Variants in MYCBP2 observed in about 807,000 individuals in gnomAD.
MYCBP2 encodes E3 ubiquitin-protein ligase MYCBP2.
Under a neutral mutation model 525.3 loss-of-function variants are expected in MYCBP2, and 120 were observed. That is an observed-to-expected ratio of 0.23 (90% CI 0.20 to 0.27). The LOEUF (loss-of-function observed/expected upper bound fraction) is 0.27. Ranked by LOEUF, MYCBP2 falls within the 10% of genes least tolerant of loss-of-function variation. The pLI, the probability that MYCBP2 is intolerant of heterozygous loss-of-function variation, is 1.00. For synonymous variants in MYCBP2, 1,894 were observed against 1,955.8 expected, an observed-to-expected ratio of 0.97 and a Z score of 0.83; for missense variants, 4,149 against 5,657.1, an observed-to-expected ratio of 0.73 and a Z score of 8.55.
rs2058299320 is a variant in MYCBP2, at chr13:77,164,393, A to AT, written c.6547+60dup. On this transcript the variant is annotated intron_variant, in intron 43 of 82. Transcript: ENST00000544440. ...TTGCAAATCTATTTTTGGCCCTTTT[A>AT]TAATACATACAAAACAAAACAAAAC... The AT allele has an allele frequency of 2.7e-6, 3 of 1,123,640 alleles. No individual in the cohort carries two copies. In the East Asian group the frequency reaches 7.2e-5, roughly 27 times the overall value. The allele number at this position is 1,123,640 out of a possible 1,614,324, so 69.6% of individuals were successfully genotyped here.
In MYCBP2 at chr13:77,294,131, C is replaced by CACATATATATATATATATATATATACAT. The variant is rs1555465826; in HGVS notation, c.378+2467_378+2468insATGTATATATATATATATATATATATGT. 5.2e-4 allele frequency among the ~76,000 whole-genome samples: 34 copies of CACATATATATATATATATATATATACAT among 65,708 alleles called. 1 individual carries two copies. Among genetic ancestry groups the CACATATATATATATATATATATATACAT allele is most frequent in the Non-Finnish European group, 8.4e-4 (28 of 33,400 alleles). The allele number at this position is 65,708 out of a possible 152,430, so 43.1% of individuals were successfully genotyped here. ...ATATATATATATATATATATATATA[C>CACATATATATATATATATATATATACAT]ATATATATATACATATATATAAAAT... is the stretch of plus-strand genomic sequence containing the variant. On this transcript the variant is annotated intron_variant, in intron 2 of 82. Transcript: ENST00000544440.
chr13:77,291,548 A>G (rs753728443), intron 2 of MYCBP2, among the ~76,000 whole-genome samples: 1 of 152,220 alleles, frequency 6.6e-6, no homozygotes, highest in Non-Finnish European at 1.5e-5. Flanking sequence ...AGGCGGGCAG[A>G]TCACCTGAGG....
At chr13:77,282,428 G>C (rs540701816) in intron 3 of MYCBP2, among the ~76,000 whole-genome samples, 17 of 145,778 alleles carry the variant, frequency 1.2e-4, no homozygotes, top group Non-Finnish European at 2.4e-4. Flanking sequence ...AAAAAAAAAA[G>C]AAAGAAAGTA....
intron 36 of MYCBP2, among the ~76,000 whole-genome samples, chr13:77,174,902 T>TATATATATATATATTTTAA (rs1305575400): frequency 9.0e-6 from 1 of 111,602 alleles, no homozygotes; most frequent in African/African-American, 4.1e-5. Context: ...AGCCATACTA[T>TATATATATATATATTTTAA]ATATATATAA....
intron 20 of MYCBP2, among the ~76,000 whole-genome samples, chr13:77,222,518 G>T: frequency 6.6e-6 from 1 of 152,086 alleles, no homozygotes; most frequent in East Asian, 1.9e-4. Flanking sequence ...AGTGCCCACA[G>T]ATCTGACCCT....
rs778733439 is a variant in MYCBP2 at position 77,180,328 on chromosome 13, A to G, written c.4942-10T>C. ...AGATATTCTCTTCACTCTGCGATAC[A>G]TAAGAAAAAGTTCTAAGGTATTGTT... On this transcript the variant is annotated splice_polypyrimidine_tract_variant and intron_variant, in intron 33 of 82. Transcript: ENST00000544440. 256 of 1,612,020 alleles carry G rather than the reference A, an allele frequency of 1.6e-4. No individual in the cohort carries two copies. Among genetic ancestry groups the G allele is most frequent in the Non-Finnish European group, 2.1e-4 (247 of 1,178,780 alleles).
intron 69 of MYCBP2, among the ~76,000 whole-genome samples, 187 bp downstream of exon 69, chr13:77,070,444 A>G (rs956066211): frequency 1.3e-5 from 2 of 151,892 alleles, no homozygotes; most frequent in Admixed American, 6.6e-5. Flanking sequence ...TTCATCAGCT[A>G]TTGTTAGCCT....
chr13:77,117,280 CATG>C (rs2049942715), intron 55 of MYCBP2, among the ~76,000 whole-genome samples: 2 of 151,966 alleles, frequency 1.3e-5, no homozygotes, highest in South Asian at 2.1e-4. Flanking sequence ...CATGAACGAA[CATG>C]ATAAGCTAGA....
intron 46 of MYCBP2, among the ~76,000 whole-genome samples, chr13:77,153,740 C>T (rs1031319858): frequency 1.3e-5 from 1 of 78,944 alleles, no homozygotes; most frequent in Non-Finnish European, 2.4e-5. Flanking sequence ...AATAAGATTT[C>T]CTTAAAATAA....
chr13:77,067,586 AT>A lies in MYCBP2; in HGVS notation c.12449del (p.Asn4150IlefsTer14), dbSNP rs1478044350. Reference protein sequence around the residue: ...VTTVTLPMIFNSSYLRRGESH... With the variant: ...VTTVTLPMIFXSSYLRRGESH... Reference sequence around the variant, plus strand: ...AAATAGAGGCAATAACTAACCTGGAATTGAAAATCATCGGAAGAGTAACTGT... The same window carrying A: ...AAATAGAGGCAATAACTAACCTGGAATGAAAATCATCGGAAGAGTAACTGT... On this transcript the variant is annotated frameshift_variant, in exon 71 of 83. Transcript: ENST00000544440. LOFTEE classifies it high-confidence loss of function. The A allele has an allele frequency of 6.2e-7, 1 of 1,613,868 alleles. No homozygotes were observed. The highest frequency in any genetic ancestry group is 1.1e-5 in the South Asian group (1 of 91,072).
intron 65 of MYCBP2, among the ~76,000 whole-genome samples, chr13:77,080,181 A>C (rs1315059216): frequency 1.3e-5 from 2 of 152,206 alleles, no homozygotes; most frequent in African/African-American, 4.8e-5. Flanking sequence ...ATATTAGCTA[A>C]GCCTCTTTTA....
intron 57 of MYCBP2, 91 bp from the exon 58 acceptor site, chr13:77,095,693 T>C (rs1164721941): frequency 1.4e-6 from 2 of 1,399,834 alleles, no homozygotes; most frequent in Non-Finnish European, 1.9e-6. Context: ...CCAATAAAAA[T>C]TATTAAACAC....
intron 55 of MYCBP2, among the ~76,000 whole-genome samples, chr13:77,108,928 C>T (rs566477820): frequency 2.0e-5 from 3 of 152,124 alleles, no homozygotes; most frequent in South Asian, 2.1e-4. Flanking sequence ...TGGTCGACCT[C>T]GTGATTCACC....
chr13:77,174,247 G>T, intron 37 of MYCBP2, 64 bp downstream of exon 37: 2 of 1,482,070 alleles, frequency 1.3e-6, no homozygotes, highest in Non-Finnish European at 1.9e-6. Flanking sequence ...AATTTTACCT[G>T]GTAGTAGACT....
chr13:77,292,819 G>A lies in MYCBP2; in HGVS notation c.378+3780C>T, dbSNP rs189935868. On this transcript the variant is annotated intron_variant, in intron 2 of 82. Coordinates refer to ENST00000544440, the MANE Select transcript of MYCBP2 (RefSeq NM_015057.5). ...CTAAAAATACAAAAATTAGCTGGACGTGGTGGCTGGTGCCTGTAATCCCAG... is the reference window on the plus strand; with the variant it reads ...CTAAAAATACAAAAATTAGCTGGACATGGTGGCTGGTGCCTGTAATCCCAG... 1.4e-4 allele frequency among the ~76,000 whole-genome samples: 22 copies of A among 152,000 alleles called. No homozygotes were observed. In the East Asian group the frequency reaches 3.5e-3, roughly 24 times the overall value.
chr13:77,227,473 C>CACACAT (rs2066443151), intron 18 of MYCBP2, among the ~76,000 whole-genome samples: 1 of 102,782 alleles, frequency 9.7e-6, no homozygotes, highest in Non-Finnish European at 2.0e-5. Context: ...TACACACACA[C>CACACAT]ACACACATAC....
chr13:77,140,514 T>C (rs961495670), intron 50 of MYCBP2, among the ~76,000 whole-genome samples: 3 of 152,228 alleles, frequency 2.0e-5, no homozygotes, highest in East Asian at 1.9e-4. Context: ...TTTACCAAAA[T>C]GCCTGTACTT....
At chr13:77,142,500 A>T (rs1417560963) in intron 49 of MYCBP2, among the ~76,000 whole-genome samples, 2 of 152,180 alleles carry the variant, frequency 1.3e-5, no homozygotes, top group East Asian at 3.8e-4. Context: ...GTACCTCTTT[A>T]CCTCCACTGC....
chr13:77,303,902 G>T (rs534540540), intron 1 of MYCBP2, among the ~76,000 whole-genome samples: 3 of 152,146 alleles, frequency 2.0e-5, no homozygotes, highest in Non-Finnish European at 4.4e-5. Flanking sequence ...GAAATGGAAA[G>T]CAGACATTCA....
Sources: allele counts gnomAD v4.1 joint callset (sites outside exome capture counted in the v4.1 genomes callset), GRCh38; gene constraint gnomAD v4.1.1; transcripts MANE v1.5; gene names NCBI Gene and HGNC (gene_info 2026-07-23, HGNC 2026-07-21).